The following LINGO2 variants were observed in gnomAD, a reference collection of about 807,000 sequenced individuals.
LINGO2 encodes the protein leucine-rich repeat and immunoglobulin-like domain-containing nogo receptor-interacting protein 2.
Under a neutral mutation model 30.6 loss-of-function variants are expected in LINGO2, and 14 were observed. The observed-to-expected ratio is 0.46, with a 90% CI of 0.30 to 0.72. The LOEUF (loss-of-function observed/expected upper bound fraction) is 0.72. Among genes scored for constraint, LINGO2 ranks in the 30% least tolerant of loss-of-function variants. LINGO2 has a pLI of 0.07. For synonymous variants in LINGO2, 317 were observed against 288.5 expected (o/e 1.10, Z -1.00); for missense variants, 729 against 751.7 (o/e 0.97, Z 0.35).
intron 1 of LINGO2, among the ~76,000 whole-genome samples, chr9:28,633,275 G>A (rs1827087658): frequency 1.3e-5 from 2 of 151,944 alleles, no homozygotes; most frequent in Non-Finnish European, 2.9e-5. Context: ...CCTCAATTCA[G>A]TCAAGTTGAC....
At chr9:28,309,496 T>C (rs1203125502) in intron 3 of LINGO2, among the ~76,000 whole-genome samples, 2 of 151,700 alleles carry the variant, frequency 1.3e-5, no homozygotes, top group Non-Finnish European at 2.9e-5. Flanking sequence ...GATGAGTTAA[T>C]GGTTGCAGCA....
intron 1 of LINGO2, among the ~76,000 whole-genome samples, chr9:28,602,229 A>C (rs975343434): frequency 6.6e-6 from 1 of 152,056 alleles, no homozygotes; most frequent in Non-Finnish European, 1.5e-5. Context: ...TTCCTTTATT[A>C]GTCATTCATT....
chr9:28,159,539 A>G (rs1357039106), intron 4 of LINGO2, among the ~76,000 whole-genome samples: 1 of 152,172 alleles, frequency 6.6e-6, no homozygotes, highest in Non-Finnish European at 1.5e-5. Context: ...GAATGATTAA[A>G]CCAAGCTAAT....
chr9:28,873,830 G>C, the LINGO2 span, among the ~76,000 whole-genome samples: 289 of 151,966 alleles, frequency 1.9e-3, 1 homozygote, highest in African/African-American at 6.9e-3. Context: ...CTCTGTAGAA[G>C]AGCATAATGT....
At chr9:28,971,838 G>A in the LINGO2 span, among the ~76,000 whole-genome samples, 9 of 152,356 alleles carry the variant, frequency 5.9e-5, no homozygotes, top group Non-Finnish European at 8.8e-5. Flanking sequence ...CAGGCCTTGG[G>A]TGAGCCCCAG....
chr9:28,834,712 T>C, the LINGO2 span, among the ~76,000 whole-genome samples: 2 of 152,156 alleles, frequency 1.3e-5, no homozygotes, highest in African/African-American at 4.8e-5. Flanking sequence ...TCTTGAAGAT[T>C]TTAATTTTTT....
chr9:28,775,759 G>A, the LINGO2 span, among the ~76,000 whole-genome samples: 1 of 152,148 alleles, frequency 6.6e-6, no homozygotes, highest in Non-Finnish European at 1.5e-5. Context: ...TATTCTCCAT[G>A]CAAAACTATT....
At chr9:28,663,736 G>C (rs115487278) in intron 1 of LINGO2, among the ~76,000 whole-genome samples, 1 of 152,034 alleles carries the variant, frequency 6.6e-6, no homozygotes, top group South Asian at 2.1e-4. Flanking sequence ...CATTTAAAAA[G>C]GTTATTTTTA....
the LINGO2 span, among the ~76,000 whole-genome samples, chr9:29,013,622 C>T: frequency 1.1e-4 from 17 of 152,012 alleles, no homozygotes; most frequent in African/African-American, 3.9e-4. Context: ...GAACAAAGAA[C>T]TCATAATTAA....
intron 2 of LINGO2, among the ~76,000 whole-genome samples, chr9:28,465,467 G>A (rs989021749): frequency 7.2e-5 from 11 of 152,108 alleles, no homozygotes; most frequent in African/African-American, 2.4e-4. Context: ...CAAGATAGGG[G>A]GCATGGTAGG....
chr9:28,464,675 T>A (rs1198239881), intron 2 of LINGO2, among the ~76,000 whole-genome samples: 4 of 152,174 alleles, frequency 2.6e-5, no homozygotes, highest in Non-Finnish European at 5.9e-5. Context: ...TTAAAGAAAC[T>A]CTTAGAAATT....
At chr9:28,291,783 GAGGA>G (rs1470587820) in intron 4 of LINGO2, among the ~76,000 whole-genome samples, 1 of 152,178 alleles carries the variant, frequency 6.6e-6, no homozygotes, top group Non-Finnish European at 1.5e-5. Flanking sequence ...ATATTTACTT[GAGGA>G]AAATGATGGC....
At chr9:28,539,339 G>A (rs1191933787) in intron 1 of LINGO2, among the ~76,000 whole-genome samples, 6 of 152,082 alleles carry the variant, frequency 3.9e-5, no homozygotes, top group Non-Finnish European at 5.9e-5. Flanking sequence ...ATTCAGAAAT[G>A]TTTGTTTAGT....
intron 3 of LINGO2, among the ~76,000 whole-genome samples, chr9:28,310,888 C>G (rs1262139478): frequency 6.6e-6 from 1 of 152,118 alleles, no homozygotes; most frequent in East Asian, 1.9e-4. Context: ...AGCACAGAAA[C>G]TCACATCATT....
chr9:28,418,967 A>ACTGAAG (rs1823079952), intron 2 of LINGO2, among the ~76,000 whole-genome samples: 1 of 152,176 alleles, frequency 6.6e-6, no homozygotes. Context: ...CCTTTGATCT[A>ACTGAAG]TAACATGATC....
At chr9:28,649,795 A>AG (rs1828008290) in intron 1 of LINGO2, among the ~76,000 whole-genome samples, 1 of 152,092 alleles carries the variant, frequency 6.6e-6, no homozygotes, top group South Asian at 2.1e-4. Flanking sequence ...AAATACAAGA[A>AG]GGGGTTGTAC....
intron 2 of LINGO2, among the ~76,000 whole-genome samples, chr9:28,465,499 G>C (rs1929816): frequency 6.6e-6 from 1 of 151,902 alleles, no homozygotes; most frequent in African/African-American, 2.4e-5. Context: ...CATTTGGTTG[G>C]GAAAACAGGG....
chr9:28,630,283 A>C (rs1826875958), intron 1 of LINGO2, among the ~76,000 whole-genome samples: 1 of 152,132 alleles, frequency 6.6e-6, no homozygotes, highest in African/African-American at 2.4e-5. Flanking sequence ...ATCATCAGTC[A>C]CATGTCTTTT....
At chr9:28,347,380 C>T (rs1257797885) in intron 3 of LINGO2, among the ~76,000 whole-genome samples, 1 of 152,088 alleles carries the variant, frequency 6.6e-6, no homozygotes. Flanking sequence ...ATATGTAGCT[C>T]AACCCTCCTA....
Sources: allele counts gnomAD v4.1 joint callset (sites outside exome capture counted in the v4.1 genomes callset), GRCh38; gene constraint gnomAD v4.1.1; transcripts MANE v1.5; gene names NCBI Gene and HGNC (gene_info 2026-07-23, HGNC 2026-07-21).